OR2Z1: variants seen among roughly 807,000 people sequenced by gnomAD.
OR2Z1 encodes olfactory receptor family 2 subfamily Z member 1.
For missense variants in OR2Z1, 449 were observed against 401.8 expected (o/e 1.12, Z -1.00); for synonymous variants, 188 against 160.6 (o/e 1.17, Z -1.29).
chr19:8,724,932 C>T lies in OR2Z1; in HGVS notation c.-170+1782C>T, dbSNP rs76071981. On this transcript the variant is annotated intron_variant, in intron 2 of 2. Coordinates refer to ENST00000641125, the MANE Select transcript of OR2Z1 (RefSeq NM_001004699.3). ...CTCCTGGGTGCATTTTCTTAACCAC[C>T]AGTCCATAGAGTCCAGATACTGTAT... 8.9e-4 allele frequency among the ~76,000 whole-genome samples: 135 copies of T among 152,238 alleles called. 2 individuals carry two copies. The East Asian group carries it at 0.023, about 26-fold the overall frequency.
Position 8,732,079 on chromosome 19 carries a change from C to A in OR2Z1, c.*106C>A. The A allele has an allele frequency of 1.2e-6, 1 of 824,328 alleles. No homozygotes were observed. The highest frequency in any genetic ancestry group is 1.9e-6 in the Non-Finnish European group (1 of 516,556). 51.1% of individuals were successfully genotyped at this position (824,328 alleles called of 1,614,324 possible). On this transcript the variant is annotated 3_prime_UTR_variant, in exon 3 of 3. Transcript: ENST00000641125. ...CCAATTTGTGCAACTGGCCAAATATCCAGCCATTGCCCAAGGTGCAACTTT... is the reference window on the plus strand; with the variant it reads ...CCAATTTGTGCAACTGGCCAAATATACAGCCATTGCCCAAGGTGCAACTTT...
chr19:8,725,946 C>T (rs2043325420), intron 2 of OR2Z1, among the ~76,000 whole-genome samples: 1 of 150,444 alleles, frequency 6.6e-6, no homozygotes, highest in South Asian at 2.1e-4. Flanking sequence ...GGAGTAGAGG[C>T]AGAGGGAGGT....
At position 8,731,588 on chromosome 19, in the gene OR2Z1, T is replaced by G. The variant is rs1555756791; in HGVS notation, c.560T>G (p.Leu187Arg). 6 of 1,613,990 alleles carry G rather than the reference T, an allele frequency of 3.7e-6. No homozygotes were observed. Among genetic ancestry groups the G allele is most frequent in the South Asian group, 3.3e-5 (3 of 91,062 alleles). ...FFCEVPALLK[L>R]SCADTCAYEM... Reference sequence around the variant, plus strand: ...TGTGAGGTGCCAGCCCTACTGAAGCTCTCCTGTGCAGATACCTGTGCCTAC... The same window carrying G: ...TGTGAGGTGCCAGCCCTACTGAAGCGCTCCTGTGCAGATACCTGTGCCTAC... Residue 187 changes from leucine to arginine, a missense_variant, in exon 3 of 3, where the codon CTC (leucine) becomes CGC (arginine). Coordinates refer to ENST00000641125, the MANE Select transcript of OR2Z1 (RefSeq NM_001004699.3).
chr19:8,726,730 G>A (rs2043329136), intron 2 of OR2Z1, among the ~76,000 whole-genome samples: 1 of 152,160 alleles, frequency 6.6e-6, no homozygotes, highest in African/African-American at 2.4e-5. Context: ...GTAGAGAGGA[G>A]CTTGGATGGA....
chr19:8,725,985 G>C (rs2043325712), intron 2 of OR2Z1, among the ~76,000 whole-genome samples: 1 of 152,034 alleles, frequency 6.6e-6, no homozygotes, highest in South Asian at 2.1e-4. Flanking sequence ...GTGGGTGGAG[G>C]AGACGGAGTC....
intron 1 of OR2Z1, among the ~76,000 whole-genome samples, chr19:8,722,401 T>C (rs1331636544): frequency 6.6e-6 from 1 of 152,160 alleles, no homozygotes; most frequent in Non-Finnish European, 1.5e-5. Context: ...ATGTGAGTTT[T>C]ATTGGCAACA....
At position 8,731,531 on chromosome 19, in the gene OR2Z1, A is replaced by G. The variant is rs1485337589; in HGVS notation, c.503A>G (p.Tyr168Cys). The G allele has an allele frequency of 3.7e-6, 6 of 1,613,726 alleles. No homozygotes were observed. In the East Asian group the frequency reaches 1.3e-4, roughly 36 times the overall value. Residue 168 changes from tyrosine (Y) to cysteine (C), a missense_variant, in exon 3 of 3, where the codon TAC becomes TGC. Coordinates refer to ENST00000641125, the MANE Select transcript of OR2Z1 (RefSeq NM_001004699.3). ...ACCTCCATCACCCTGCATTTTCCCTACTGTGCCTCCCGTATTGTGGATCAC... is the reference window on the plus strand; with the variant it reads ...ACCTCCATCACCCTGCATTTTCCCTGCTGTGCCTCCCGTATTGTGGATCAC... ...IQTSITLHFP[Y>C]CASRIVDHFF...
At position 8,732,089 on chromosome 19, in the gene OR2Z1, C is replaced by A; in HGVS notation, c.*116C>A. 1 of 765,784 alleles carries A rather than the reference C, an allele frequency of 1.3e-6. No individual in the cohort carries two copies. The highest frequency in any genetic ancestry group is 2.1e-6 in the Non-Finnish European group (1 of 468,466). 47.4% of individuals were successfully genotyped at this position (765,784 alleles called of 1,614,324 possible). A position where few individuals can be genotyped will look rare whatever the true frequency, so the allele number is the denominator to read the frequency against. ...CAACTGGCCAAATATCCAGCCATTGCCCAAGGTGCAACTTTTTGAGAAAAT... is the reference window on the plus strand; with the variant it reads ...CAACTGGCCAAATATCCAGCCATTGACCAAGGTGCAACTTTTTGAGAAAAT... On this transcript the variant is annotated 3_prime_UTR_variant, in exon 3 of 3. Transcript: ENST00000641125.
At chr19:8,722,736 G>T (rs569065487) in intron 1 of OR2Z1, among the ~76,000 whole-genome samples, 5 of 152,216 alleles carry the variant, frequency 3.3e-5, no homozygotes, top group African/African-American at 1.2e-4. Flanking sequence ...TGTGCCAAAA[G>T]CTCAGGACAT....
At chr19:8,726,070 A>T (rs769637567) in intron 2 of OR2Z1, among the ~76,000 whole-genome samples, 165 of 152,110 alleles carry the variant, frequency 1.1e-3, no homozygotes, top group Non-Finnish European at 1.8e-3. Context: ...GGTTCAAGTG[A>T]TTCTCCTGCC....
rs145371169 is a variant in OR2Z1, at chr19:8,731,215, C to T, written c.187C>T (p.Leu63Phe). The T allele has an allele frequency of 2.0e-5, 32 of 1,614,122 alleles. No homozygotes were observed. Among genetic ancestry groups the T allele is most frequent in the African/African-American group, 1.2e-4 (9 of 75,028 alleles). The change falls in exon 3 of 3, where the codon CTC (leucine) becomes TTC (phenylalanine). Residue 63 changes from leucine to phenylalanine, a missense_variant. Coordinates refer to ENST00000641125, the MANE Select transcript of OR2Z1 (RefSeq NM_001004699.3). ...SRLHTPMYFL[L>F]SQLSLFDIGC... ...GCTCCACACACCCATGTACTTCCTG[C>T]TCAGCCAGCTCTCCCTGTTTGACAT...
rs184633775 is a variant in OR2Z1 at position 8,725,183 on chromosome 19, C to T, written c.-170+2033C>T. On this transcript the variant is annotated intron_variant, in intron 2 of 2. Transcript: ENST00000641125. Reference sequence around the variant, plus strand: ...AACAATGCTCATGTTCCCTGTCAAACTCTAACTCTAAATTCTATAACTGCA... The same window carrying T: ...AACAATGCTCATGTTCCCTGTCAAATTCTAACTCTAAATTCTATAACTGCA... Among the ~76,000 whole-genome samples the T allele has an allele frequency of 1.8e-3, 274 of 152,300 alleles. 1 individual carries two copies. Among genetic ancestry groups the T allele is most frequent in the Middle Eastern group, 3.4e-3 (1 of 294 alleles).
Position 8,731,278 on chromosome 19 carries a change from G to A in OR2Z1, c.250G>A (p.Asp84Asn), listed in dbSNP as rs144277643. The change falls in exon 3 of 3, where the codon GAC becomes AAC. Residue 84 changes from aspartate (D) to asparagine (N), a missense_variant. Coordinates refer to ENST00000641125, the MANE Select transcript of OR2Z1 (RefSeq NM_001004699.3). ...PMVTIPKMAS[D>N]FLRGEGATSY... ...GGTCACCATCCCCAAGATGGCATCA[G>A]ACTTTCTGCGGGGAGAAGGTGCCAC... The A allele has an allele frequency of 9.9e-6, 16 of 1,614,162 alleles. No homozygotes were observed. In the African/African-American group the frequency reaches 2.1e-4, roughly 22 times the overall value.
Position 8,731,084 on chromosome 19 carries a change from G to T in OR2Z1, c.56G>T (p.Ser19Ile), listed in dbSNP as rs929350451. 7 of 1,614,152 alleles carry T rather than the reference G, an allele frequency of 4.3e-6. No individual in the cohort carries two copies. The highest frequency in any genetic ancestry group is 1.6e-4 in the Middle Eastern group (1 of 6,062). Reference sequence around the variant, plus strand: ...GACTTCATTCTGGTGGGCCTCTTCAGTCACTCAGGATCACGCCAGCTCCTC... The same window carrying T: ...GACTTCATTCTGGTGGGCCTCTTCATTCACTCAGGATCACGCCAGCTCCTC... The part of the protein sequence containing the change: ...ASDFILVGLF[S>I]HSGSRQLLFS... The change falls in exon 3 of 3, where the codon AGT becomes ATT. Residue 19 changes from serine to isoleucine, a missense_variant. Physicochemically the swap from Ser to Ile is moderately radical, Grantham distance 142. Coordinates refer to ENST00000641125, the MANE Select transcript of OR2Z1 (RefSeq NM_001004699.3).
At chr19:8,723,254 C>A (rs996743320) in intron 2 of OR2Z1, 104 bp downstream of exon 2, 9 of 152,012 alleles carry the variant, frequency 5.9e-5, no homozygotes, top group Admixed American at 5.9e-4. Flanking sequence ...CCATACAGTC[C>A]GGATGCTCTA....
chr19:8,731,227 T>C lies in OR2Z1; in HGVS notation c.199T>C (p.Ser67Pro). 6.2e-7 allele frequency: 1 copy of C among 1,614,168 alleles called. No homozygotes were observed. Among genetic ancestry groups the C allele is most frequent in the Non-Finnish European group, 8.5e-7 (1 of 1,180,034 alleles). Reference sequence around the variant, plus strand: ...CATGTACTTCCTGCTCAGCCAGCTCTCCCTGTTTGACATTGGCTGTCCCAT... The same window carrying C: ...CATGTACTTCCTGCTCAGCCAGCTCCCCCTGTTTGACATTGGCTGTCCCAT... ...TPMYFLLSQL[S>P]LFDIGCPMVT... Residue 67 changes from serine (S) to proline (P), a missense_variant, in exon 3 of 3, where the codon TCC (serine) becomes CCC (proline). Physicochemically the swap from Ser to Pro is moderately conservative, Grantham distance 74 (BLOSUM62 -1). Coordinates refer to ENST00000641125, the MANE Select transcript of OR2Z1 (RefSeq NM_001004699.3).
At chr19:8,727,051 C>T (rs2043330421) in intron 2 of OR2Z1, among the ~76,000 whole-genome samples, 2 of 152,180 alleles carry the variant, frequency 1.3e-5, no homozygotes, top group Admixed American at 6.5e-5. Context: ...AAGCAATCCT[C>T]TTGCCTCAGT....
Position 8,731,086 on chromosome 19 carries a change from C to T in OR2Z1, c.58C>T (p.His20Tyr). ...CTTCATTCTGGTGGGCCTCTTCAGT[C>T]ACTCAGGATCACGCCAGCTCCTCTT... ...SDFILVGLFS[H>Y]SGSRQLLFSL... The change falls in exon 3 of 3, where the codon CAC becomes TAC. Residue 20 changes from histidine to tyrosine, a missense_variant. Coordinates refer to ENST00000641125, the MANE Select transcript of OR2Z1 (RefSeq NM_001004699.3). The T allele has an allele frequency of 1.2e-6, 2 of 1,614,148 alleles. No homozygotes were observed. Among genetic ancestry groups the T allele is most frequent in the Non-Finnish European group, 1.7e-6 (2 of 1,180,020 alleles).
At chr19:8,728,589 G>T (rs782435493) in intron 2 of OR2Z1, 2 of 374,196 alleles carry the variant, frequency 5.3e-6, no homozygotes, top group South Asian at 2.2e-5. Context: ...CATATGCAAG[G>T]TGTGTTACAT....
Sources: allele counts gnomAD v4.1 joint callset (sites outside exome capture counted in the v4.1 genomes callset), GRCh38; gene constraint gnomAD v4.1.1; transcripts MANE v1.5; gene names NCBI Gene and HGNC (gene_info 2026-07-23, HGNC 2026-07-21).